The following AJAP1 variants were observed in gnomAD, a reference collection of about 807,000 sequenced individuals.
The protein encoded by AJAP1 is adherens junctions associated protein 1, also known as adherens junction-associated protein 1.
A neutral mutation model predicts 35.0 loss-of-function variants in AJAP1; 5 were observed. That is an observed-to-expected ratio of 0.14 (90% confidence interval 0.07 to 0.30). The LOEUF (loss-of-function observed/expected upper bound fraction) is 0.30. Ranked by LOEUF, AJAP1 falls within the 10% of genes least tolerant of loss-of-function variation. AJAP1 has a pLI of 1.00. For missense variants in AJAP1, 586 were observed against 571.0 expected (o/e 1.03, Z -0.27); for synonymous variants, 284 against 249.3 (o/e 1.14, Z -1.31).
At chr1:4,728,242 A>T (rs1640714926) in intron 2 of AJAP1, among the ~76,000 whole-genome samples, 2 of 152,152 alleles carry the variant, frequency 1.3e-5, no homozygotes, top group South Asian at 4.1e-4. Flanking sequence ...TCTGGAAGCC[A>T]ATGAGACATG....
Position 4,656,079 on chromosome 1 carries a change from TG to T in AJAP1, c.29+629del, listed in dbSNP as rs1016657910. ...GCTGGGGCGGGAGAGCTGGGGTTCTTGGGGAGCTCCGGCGGCCACCCCGCTG... is the reference window on the plus strand; with the variant it reads ...GCTGGGGCGGGAGAGCTGGGGTTCTTGGGAGCTCCGGCGGCCACCCCGCTG... On this transcript the variant is annotated intron_variant, in intron 1 of 5. Transcript: ENST00000378191. This position sits in a 1 kb window ranked among gnomAD's most constrained non-coding sequence, Gnocchi z 5.7. 2.6e-5 allele frequency among the ~76,000 whole-genome samples: 4 copies of T among 151,634 alleles called. No individual in the cohort carries two copies. The highest frequency in any genetic ancestry group is 7.3e-5 in the African/African-American group (3 of 41,258).
intron 1 of AJAP1, among the ~76,000 whole-genome samples, chr1:4,687,052 C>T (rs574166265): frequency 2.6e-5 from 4 of 152,376 alleles, no homozygotes; most frequent in South Asian, 2.1e-4. Flanking sequence ...GTCCTCACCA[C>T]GGATGGGGAC....
At chr1:4,775,094 A>C (rs1047803266) in intron 5 of AJAP1, among the ~76,000 whole-genome samples, 1 of 152,220 alleles carries the variant, frequency 6.6e-6, no homozygotes. Flanking sequence ...TGAGACATCT[A>C]CTAATTTGAA....
At chr1:4,766,273 A>C (rs1641681753) in intron 2 of AJAP1, among the ~76,000 whole-genome samples, 1 of 152,146 alleles carries the variant, frequency 6.6e-6, no homozygotes, top group Non-Finnish European at 1.5e-5. Context: ...ACTGCCTGTA[A>C]AGCCTAAAAT....
At chr1:4,745,020 C>T (rs1442009323) in intron 2 of AJAP1, among the ~76,000 whole-genome samples, 1 of 152,144 alleles carries the variant, frequency 6.6e-6, no homozygotes, top group East Asian at 1.9e-4. Context: ...TAGGCCACTG[C>T]ACCGAGGAAG....
intron 1 of AJAP1, among the ~76,000 whole-genome samples, chr1:4,708,627 G>C (rs1389582624): frequency 6.6e-6 from 1 of 152,222 alleles, no homozygotes; most frequent in African/African-American, 2.4e-5. Flanking sequence ...GGTCCTTGGA[G>C]ATAGAGCCAA....
chr1:4,761,076 C>A (rs1206440845), intron 2 of AJAP1, among the ~76,000 whole-genome samples: 4 of 152,142 alleles, frequency 2.6e-5, no homozygotes, highest in Non-Finnish European at 4.4e-5. Flanking sequence ...CTAACTGAAC[C>A]CCCAGGGTGC....
At chr1:4,706,040 A>G (rs1434275499) in intron 1 of AJAP1, among the ~76,000 whole-genome samples, 2 of 152,164 alleles carry the variant, frequency 1.3e-5, no homozygotes, top group African/African-American at 4.8e-5. Context: ...AAACTATTCT[A>G]AAATAAAAAG....
At chr1:4,663,983 G>A (rs1484813982) in intron 1 of AJAP1, among the ~76,000 whole-genome samples, 1 of 152,178 alleles carries the variant, frequency 6.6e-6, no homozygotes, top group African/African-American at 2.4e-5. Flanking sequence ...GCCTGTGTAT[G>A]CAACATATCA....
intron 2 of AJAP1, among the ~76,000 whole-genome samples, chr1:4,751,319 G>A (rs539148099): frequency 3.3e-5 from 5 of 152,274 alleles, no homozygotes; most frequent in East Asian, 3.9e-4. Flanking sequence ...TTCGAATTCC[G>A]CTCAGTTCCA....
At chr1:4,679,808 GGTGTGTGTGTGTGTGTGTGTGTGTGT>G (rs60846836) in intron 1 of AJAP1, among the ~76,000 whole-genome samples, 7 of 142,324 alleles carry the variant, frequency 4.9e-5, no homozygotes, top group Non-Finnish European at 4.6e-5. Context: ...GAACCAATAG[GGTGTGTGTGTGTGTGTGTGTGTGTGT>G]GTGTGTGTGT....
At chr1:4,702,301 A>G (rs1195882515) in intron 1 of AJAP1, among the ~76,000 whole-genome samples, 1 of 152,212 alleles carries the variant, frequency 6.6e-6, no homozygotes, top group Non-Finnish European at 1.5e-5. Flanking sequence ...ATCAGAGGCC[A>G]GCTCACTGTG....
intron 2 of AJAP1, among the ~76,000 whole-genome samples, chr1:4,763,179 A>G (rs1641610492): frequency 6.6e-6 from 1 of 151,556 alleles, no homozygotes; most frequent in Non-Finnish European, 1.5e-5. Context: ...ATGCAGAACC[A>G]CTCCCACCCA....
chr1:4,714,327 C>A, intron 2 of AJAP1, among the ~76,000 whole-genome samples: 1 of 152,190 alleles, frequency 6.6e-6, no homozygotes, highest in Non-Finnish European at 1.5e-5. Flanking sequence ...GGGTCTGCAG[C>A]TCATCCTGCA....
intron 2 of AJAP1, among the ~76,000 whole-genome samples, chr1:4,713,916 C>T (rs1640328858): frequency 6.6e-6 from 1 of 152,222 alleles, no homozygotes; most frequent in Admixed American, 6.5e-5. Context: ...CTCTTCAGAG[C>T]TCATGTGCAG....
At chr1:4,678,372 G>A (rs768297288) in intron 1 of AJAP1, among the ~76,000 whole-genome samples, 2 of 152,234 alleles carry the variant, frequency 1.3e-5, no homozygotes, top group Non-Finnish European at 2.9e-5. Context: ...TGGGTCAGGA[G>A]TCTGGGCACA....
rs933191344 is a variant in AJAP1, at chr1:4,782,581, A to G, written c.*96A>G. 6 of 395,688 alleles carry G rather than the reference A, an allele frequency of 1.5e-5. No homozygotes were observed. Among genetic ancestry groups the G allele is most frequent in the Non-Finnish European group, 2.2e-5 (5 of 224,814 alleles). 24.5% of individuals were successfully genotyped at this position (395,688 alleles called of 1,614,324 possible). A position where few individuals can be genotyped will look rare whatever the true frequency, so the allele number is the denominator to read the frequency against. On this transcript the variant is annotated 3_prime_UTR_variant, in exon 6 of 6. Coordinates refer to ENST00000378191, the MANE Select transcript of AJAP1 (RefSeq NM_018836.4). The surrounding 1 kb of genome is among the most constrained non-coding windows in gnomAD (Gnocchi z 5.3). ...TGAACCTGTAAAAACAAAACAAACA[A>G]AACAAAACAAAAAAGACAAAACCTA...
intron 2 of AJAP1, among the ~76,000 whole-genome samples, chr1:4,761,353 C>T (rs1434001111): frequency 6.6e-6 from 1 of 152,206 alleles, no homozygotes; most frequent in Admixed American, 6.5e-5. Flanking sequence ...TGAGTCCCGT[C>T]TGTAACACTC....
intron 1 of AJAP1, among the ~76,000 whole-genome samples, chr1:4,663,876 G>C (rs1639057892): frequency 6.6e-6 from 1 of 152,138 alleles, no homozygotes; most frequent in Non-Finnish European, 1.5e-5. Flanking sequence ...GATGAAAGAA[G>C]GGTGACTCCA....
Sources: allele counts gnomAD v4.1 joint callset (sites outside exome capture counted in the v4.1 genomes callset), GRCh38; gene constraint gnomAD v4.1.1; non-coding constraint Gnocchi (gnomAD v3.1); transcripts MANE v1.5; gene names NCBI Gene and HGNC (gene_info 2026-07-23, HGNC 2026-07-21).